The following NKAIN3 variants were observed in gnomAD, a reference collection of about 807,000 sequenced individuals.
The protein encoded by NKAIN3 is sodium/potassium transporting ATPase interacting 3.
In NKAIN3, 25 loss-of-function variants were observed where a neutral mutation model predicts 30.2. That is an observed-to-expected ratio of 0.83 (90% CI 0.60 to 1.16). The LOEUF is 1.16. Ranked by LOEUF, NKAIN3 falls within the 50% of genes most tolerant of loss-of-function variation. NKAIN3 has a pLI of 0.00. For missense variants in NKAIN3, 225 were observed against 254.1 expected (o/e 0.89, Z 0.78); for synonymous variants, 91 against 89.6 (o/e 1.02, Z -0.09).
intron 1 of NKAIN3, among the ~76,000 whole-genome samples, chr8:62,500,420 G>GA: frequency 1.1e-5 from 1 of 91,822 alleles, no homozygotes. Flanking sequence ...TAAGAAGGAA[G>GA]AAAGGAAAGA....
At chr8:62,924,661 A>G (rs1454704532) in intron 5 of NKAIN3, among the ~76,000 whole-genome samples, 1 of 152,198 alleles carries the variant, frequency 6.6e-6, no homozygotes, top group Non-Finnish European at 1.5e-5. Flanking sequence ...CCAGTTAATC[A>G]TCAAATGAAA....
At chr8:62,426,697 TAAA>T (rs1011058158) in intron 1 of NKAIN3, among the ~76,000 whole-genome samples, 1 of 151,748 alleles carries the variant, frequency 6.6e-6, no homozygotes, top group African/African-American at 2.4e-5. Context: ...AGAGTTTTAG[TAAA>T]AAAAAGGCTG....
At position 62,651,704 on chromosome 8, in the gene NKAIN3, G is replaced by A. The variant is rs531884803; in HGVS notation, c.273+61910G>A. 2.6e-4 allele frequency among the ~76,000 whole-genome samples: 39 copies of A among 152,224 alleles called. No individual in the cohort carries two copies. The South Asian group carries it at 8.1e-3, about 32-fold the overall frequency. ...AAATGTGATTCCCAATGTTGGAGGT[G>A]GGGGTCTGGTGGGAGGTGATTTGAT... On this transcript the variant is annotated intron_variant, in intron 3 of 6. Transcript: ENST00000623646.
intron 5 of NKAIN3, among the ~76,000 whole-genome samples, chr8:62,937,397 C>A (rs571709273): frequency 8.5e-5 from 13 of 152,266 alleles, no homozygotes; most frequent in Middle Eastern, 3.4e-3. Flanking sequence ...AACCACACAT[C>A]CTCACTGGGA....
intron 1 of NKAIN3, among the ~76,000 whole-genome samples, chr8:62,301,151 C>G (rs1814035884): frequency 6.6e-6 from 1 of 151,872 alleles, no homozygotes; most frequent in Non-Finnish European, 1.5e-5. Flanking sequence ...AAATCAAATT[C>G]AAAGAGGAAA....
chr8:62,380,687 C>T (rs1020606505), intron 1 of NKAIN3, among the ~76,000 whole-genome samples: 6 of 152,134 alleles, frequency 3.9e-5, no homozygotes, highest in African/African-American at 7.2e-5. Flanking sequence ...TGTCAACCTT[C>T]GAGTTTGCAA....
At chr8:62,775,314 G>T (rs1489967541) in intron 4 of NKAIN3, among the ~76,000 whole-genome samples, 1 of 148,260 alleles carries the variant, frequency 6.7e-6, no homozygotes, top group African/African-American at 2.5e-5. Flanking sequence ...CATTTACCTT[G>T]CTAAAAATGT....
At chr8:62,338,549 A>G (rs75759564) in intron 1 of NKAIN3, among the ~76,000 whole-genome samples, 5,936 of 152,060 alleles carry the variant, frequency 0.039, 419 homozygotes, top group African/African-American at 0.14. Flanking sequence ...GTCAGCTCTT[A>G]TATTAGGGTT....
At chr8:62,379,673 T>G (rs1817206557) in intron 1 of NKAIN3, among the ~76,000 whole-genome samples, 1 of 149,276 alleles carries the variant, frequency 6.7e-6, no homozygotes, top group Non-Finnish European at 1.5e-5. Flanking sequence ...CTGCTATGAC[T>G]GTAAGTTTCC....
At chr8:62,566,034 A>G (rs1809740542) in intron 1 of NKAIN3, among the ~76,000 whole-genome samples, 1 of 152,202 alleles carries the variant, frequency 6.6e-6, no homozygotes, top group South Asian at 2.1e-4. Flanking sequence ...AAGTCAATCC[A>G]TCATCCTTGT....
chr8:62,741,358 AGAAAGAAG>A lies in NKAIN3; in HGVS notation c.274-5570_274-5563del, dbSNP rs1276664361. Among the ~76,000 whole-genome samples the A allele has an allele frequency of 3.8e-4, 46 of 121,016 alleles. 1 individual carries two copies. The highest frequency in any genetic ancestry group is 5.7e-4 in the Non-Finnish European group (33 of 58,332). 79.4% of individuals were successfully genotyped at this position (121,016 alleles called of 152,430 possible). ...AATGAGTGAGAGAGAAGAAAGAGAG[AGAAAGAAG>A]GAAGGAAGGAAGGAAGGAAGGAAGG... On this transcript the variant is annotated intron_variant, in intron 3 of 6. Transcript: ENST00000623646.
chr8:62,298,385 A>G (rs1216175445), intron 1 of NKAIN3, among the ~76,000 whole-genome samples: 3 of 152,132 alleles, frequency 2.0e-5, no homozygotes, highest in Admixed American at 2.0e-4. Flanking sequence ...GGCATGCCCC[A>G]GTATCAAACC....
Position 62,977,462 on chromosome 8 carries a change from T to C in NKAIN3, c.*12055T>C, listed in dbSNP as rs1483698948. Among the ~76,000 whole-genome samples, 1 of 151,932 alleles carries C rather than the reference T, an allele frequency of 6.6e-6. No individual in the cohort carries two copies. The highest frequency in any genetic ancestry group is 1.5e-5 in the Non-Finnish European group (1 of 68,002). ...TTAAGTTGATCTTCAGTCTCTGATA[T>C]CCTTTCTTCTGCTTGATCGATTCAG... On this transcript the variant is annotated 3_prime_UTR_variant, in exon 7 of 7. Coordinates refer to ENST00000623646, the MANE Select transcript of NKAIN3 (RefSeq NM_001304533.3).
intron 1 of NKAIN3, among the ~76,000 whole-genome samples, chr8:62,474,511 A>T (rs7822961): frequency 0.031 from 4,709 of 152,242 alleles, 277 homozygotes; most frequent in African/African-American, 0.11. Flanking sequence ...ACGTACAAAG[A>T]CCACATGGTC....
chr8:62,638,908 T>C (rs985998536), intron 3 of NKAIN3, among the ~76,000 whole-genome samples: 1 of 152,146 alleles, frequency 6.6e-6, no homozygotes, highest in African/African-American at 2.4e-5. Context: ...TCTGGCCTCA[T>C]TGTTTGTTTT....
intron 4 of NKAIN3, among the ~76,000 whole-genome samples, chr8:62,806,901 C>G (rs751055893): frequency 9.2e-5 from 14 of 151,650 alleles, no homozygotes; most frequent in Non-Finnish European, 1.8e-4. Flanking sequence ...TACATGAGAC[C>G]AAGCAGGGGA....
chr8:62,589,768 T>A lies in NKAIN3; in HGVS notation c.247T>A (p.Tyr83Asn). 6.2e-7 allele frequency: 1 copy of A among 1,604,352 alleles called. No homozygotes were observed. The highest frequency in any genetic ancestry group is 8.5e-7 in the Non-Finnish European group (1 of 1,172,828). ...CTGGAATGTGTTCATTATCTGCTTT[T>A]ATTTGGAAGTAGGTGGACTCTCAAA... is the stretch of plus-strand genomic sequence containing the variant. Reference protein sequence around the residue: ...VTWNVFIICFYLEVGGLSKDT... With the variant: ...VTWNVFIICFNLEVGGLSKDT... Residue 83 changes from tyrosine to asparagine, a missense_variant, in exon 3 of 7, where the codon TAT becomes AAT. Transcript: ENST00000623646.
intron 4 of NKAIN3, among the ~76,000 whole-genome samples, chr8:62,913,032 G>A (rs897211049): frequency 6.6e-6 from 1 of 152,048 alleles, no homozygotes; most frequent in African/African-American, 2.4e-5. Context: ...CCTCTTTCAC[G>A]GGAAGGTGTT....
In NKAIN3 at chr8:62,970,117, T is replaced by C. The variant is rs1823801097; in HGVS notation, c.*4710T>C. On this transcript the variant is annotated 3_prime_UTR_variant, in exon 7 of 7. Coordinates refer to ENST00000623646, the MANE Select transcript of NKAIN3 (RefSeq NM_001304533.3). ...GCATGTACCTATGACCCCAGCCACT[T>C]GAGGGACTGAGGGAAGGGAAGATTA... Among the ~76,000 whole-genome samples, 1 of 79,346 alleles carries C rather than the reference T, an allele frequency of 1.3e-5. No individual in the cohort carries two copies. The highest frequency in any genetic ancestry group is 2.1e-5 in the Non-Finnish European group (1 of 46,704). The allele number at this position is 79,346 out of a possible 152,430, so 52.1% of individuals were successfully genotyped here.
Sources: gnomAD v4.1 joint callset for allele counts (sites outside exome capture counted in the v4.1 genomes callset) on GRCh38, gnomAD v4.1.1 for gene constraint, MANE v1.5 for transcripts, NCBI Gene and HGNC (gene_info 2026-07-23, HGNC 2026-07-21) for gene names.